ARID1B: variants seen among roughly 807,000 people sequenced by gnomAD.
ARID1B encodes the protein AT-rich interactive domain-containing protein 1B.
ARID1B carries 30 observed loss-of-function variants against 212.3 expected under a neutral mutation model. The observed-to-expected ratio is 0.14, with a 90% CI of 0.11 to 0.19. The LOEUF is 0.19. Among genes scored for constraint, ARID1B ranks in the 10% least tolerant of loss-of-function variants. The probability of loss-of-function intolerance (pLI) is 1.00; values close to 1 mark genes in which losing one functional copy is unlikely to be tolerated. For missense variants in ARID1B, 2,891 were observed against 3,204.0 expected (o/e 0.90, Z 2.36); for synonymous variants, 1,402 against 1,301.7 (o/e 1.08, Z -1.66).
intron 4 of ARID1B, among the ~76,000 whole-genome samples, chr6:157,075,127 A>G (rs1456709130): frequency 2.1e-5 from 3 of 142,128 alleles, no homozygotes; most frequent in Non-Finnish European, 4.5e-5. Flanking sequence ...CACTTGAGGT[A>G]TTAAGTGACC....
intron 3 of ARID1B, among the ~76,000 whole-genome samples, chr6:156,905,066 A>C (rs547567653): frequency 3.7e-4 from 56 of 152,128 alleles, no homozygotes; most frequent in South Asian, 1.2e-3. Context: ...TTTTTCCTGA[A>C]CTATAAATTT....
At chr6:156,781,086 A>G (rs1779229988) in intron 1 of ARID1B, among the ~76,000 whole-genome samples, 1 of 152,220 alleles carries the variant, frequency 6.6e-6, no homozygotes, top group African/African-American at 2.4e-5. Context: ...GTGATTTATC[A>G]GTTCTGACTG....
chr6:157,103,204 A>G (rs1215226855), intron 5 of ARID1B, among the ~76,000 whole-genome samples: 1 of 152,172 alleles, frequency 6.6e-6, no homozygotes, highest in Non-Finnish European at 1.5e-5. Context: ...CAAAGATCTA[A>G]TTATCTATTA....
At chr6:157,083,329 T>C (rs12197388) in intron 4 of ARID1B, among the ~76,000 whole-genome samples, 22,226 of 152,240 alleles carry the variant, frequency 0.15, 2,107 homozygotes, top group Non-Finnish European at 0.21. Context: ...AAGTATCTTT[T>C]ATGCTGTAAC....
At chr6:157,172,840 T>C (rs1791815240) in intron 9 of ARID1B, 1 of 152,008 alleles carries the variant, frequency 6.6e-6, no homozygotes, top group African/African-American at 2.4e-5. Flanking sequence ...GCTACATGTG[T>C]CCCGCCTTGG....
chr6:157,205,025 AACTGTAT>A (rs1794350367), intron 19 of ARID1B: 1 of 152,230 alleles, frequency 6.6e-6, no homozygotes, highest in South Asian at 2.1e-4. Flanking sequence ...AGTATTTAAA[AACTGTAT>A]ACTGCATTTG....
intron 4 of ARID1B, among the ~76,000 whole-genome samples, chr6:157,055,261 A>T (rs760001934): frequency 6.6e-6 from 1 of 152,232 alleles, no homozygotes; most frequent in African/African-American, 2.4e-5. Flanking sequence ...CAGATCATTA[A>T]TTGGTTAACT....
intron 2 of ARID1B, among the ~76,000 whole-genome samples, chr6:156,895,890 T>G (rs1788348516): frequency 6.6e-6 from 1 of 152,254 alleles, no homozygotes; most frequent in South Asian, 2.1e-4. Context: ...TGCACGTTTC[T>G]ATACTTTTGC....
chr6:157,119,115 C>T (rs1420190637), intron 6 of ARID1B, among the ~76,000 whole-genome samples: 1 of 152,124 alleles, frequency 6.6e-6, no homozygotes, highest in Non-Finnish European at 1.5e-5. Flanking sequence ...TTTTTCTCCC[C>T]CGTCTGCCCC....
At chr6:156,794,618 C>T (rs1462547445) in intron 1 of ARID1B, among the ~76,000 whole-genome samples, 1 of 144,638 alleles carries the variant, frequency 6.9e-6, no homozygotes, top group Non-Finnish European at 1.5e-5. Flanking sequence ...ACATCATCAC[C>T]CAGGCTGGAG....
chr6:157,001,856 C>T (rs1392974951), intron 4 of ARID1B, among the ~76,000 whole-genome samples: 2 of 152,168 alleles, frequency 1.3e-5, no homozygotes, highest in Non-Finnish European at 2.9e-5. Flanking sequence ...CCCAGGAATT[C>T]GGCCGGAGGA....
chr6:157,065,804 A>ATGAC (rs1783642258), intron 4 of ARID1B, among the ~76,000 whole-genome samples: 2 of 152,372 alleles, frequency 1.3e-5, no homozygotes, highest in Admixed American at 1.3e-4. Flanking sequence ...GCCATGACAA[A>ATGAC]TGACTATGCT....
At chr6:156,864,680 T>C (rs996745577) in intron 2 of ARID1B, among the ~76,000 whole-genome samples, 10 of 152,188 alleles carry the variant, frequency 6.6e-5, no homozygotes, top group Non-Finnish European at 1.5e-4. Context: ...CTTACATTGC[T>C]CCTTGAAGTT....
intron 1 of ARID1B, among the ~76,000 whole-genome samples, chr6:156,827,076 A>G (rs1245975513): frequency 6.6e-6 from 1 of 152,180 alleles, no homozygotes; most frequent in African/African-American, 2.4e-5. Flanking sequence ...TGGAGATATA[A>G]TAGTGAATAA....
intron 4 of ARID1B, among the ~76,000 whole-genome samples, chr6:157,033,581 T>C (rs1033741031): frequency 5.3e-5 from 8 of 152,226 alleles, no homozygotes; most frequent in Non-Finnish European, 7.3e-5. Context: ...CCAATTTTCT[T>C]ACTGGAATGA....
intron 4 of ARID1B, among the ~76,000 whole-genome samples, chr6:157,039,882 T>C (rs1293913558): frequency 6.4e-4 from 43 of 67,280 alleles, no homozygotes; most frequent in African/African-American, 1.4e-3. Context: ...CTTTCTTTTC[T>C]CTTCCTTCCT....
intron 16 of ARID1B, among the ~76,000 whole-genome samples, chr6:157,196,909 GAAAATGGCAAGTTAAACTTGCAAGTT>G (rs1243792098): frequency 4.6e-5 from 7 of 152,352 alleles, no homozygotes; most frequent in African/African-American, 1.7e-4. Context: ...TGAAATGACT[GAAAATGGCAAGTTAAACTTGCAAGTT>G]AAAATGGCAA....
chr6:156,812,985 T>TACATACGTATGTATATACATATGTATAC (rs1781679562), intron 1 of ARID1B, among the ~76,000 whole-genome samples: 1 of 106,402 alleles, frequency 9.4e-6, no homozygotes, highest in Non-Finnish European at 2.0e-5. Context: ...TGTATGTATA[T>TACATACGTATGTATATACATATGTATAC]ACATACGTAT....
rs552492293 is a variant in ARID1B at position 157,062,260 on chromosome 6, C to T, written c.2248-22402C>T. Among the ~76,000 whole-genome samples the T allele has an allele frequency of 4.0e-5, 6 of 151,652 alleles. No homozygotes were observed. The East Asian group carries it at 9.7e-4, about 25-fold the overall frequency. ...TGTCACCCAGGCTGGAGTACAGTGGCGCCATAGCTCACTGCAGCCTCCAAC... is the reference window on the plus strand; with the variant it reads ...TGTCACCCAGGCTGGAGTACAGTGGTGCCATAGCTCACTGCAGCCTCCAAC... On this transcript the variant is annotated intron_variant, in intron 4 of 19. Transcript: ENST00000636930.
Sources: gnomAD v4.1 joint callset for allele counts (sites outside exome capture counted in the v4.1 genomes callset) on GRCh38, gnomAD v4.1.1 for gene constraint, MANE v1.5 for transcripts, NCBI Gene and HGNC (gene_info 2026-07-23, HGNC 2026-07-21) for gene names.